DRG2: variants seen among roughly 807,000 people sequenced by gnomAD.
DRG2 encodes the protein developmentally regulated GTP binding protein 2.
Under a neutral mutation model 53.4 loss-of-function variants are expected in DRG2, and 36 were observed. The observed-to-expected ratio is 0.67, with a 90% CI of 0.52 to 0.89. DRG2 has a LOEUF of 0.89. DRG2 is among the 40% of genes least tolerant of loss of function. The probability of loss-of-function intolerance (pLI) is 0.00; values close to 1 mark genes in which losing one functional copy is unlikely to be tolerated. For synonymous variants in DRG2, 167 were observed against 192.1 expected (o/e 0.87, Z 1.08); for missense variants, 342 against 481.2 (o/e 0.71, Z 2.71).
chr17:18,102,734 G>C (rs910672119), intron 9 of DRG2, among the ~76,000 whole-genome samples: 3 of 151,966 alleles, frequency 2.0e-5, no homozygotes, highest in Admixed American at 6.5e-5. Context: ...TGTGGCTTCT[G>C]TCTGATCACA....
rs746278108 is a variant in DRG2 at position 18,089,738 on chromosome 17, G to A, written c.64+1651G>A. ...TGATTGAAAAGAAGGAACCGGTCAC[G>A]CAAACATCTGGGGGAAGAGGGTTCC... On this transcript the variant is annotated intron_variant, in intron 1 of 12. Coordinates refer to ENST00000225729, the MANE Select transcript of DRG2 (RefSeq NM_001388.5). 4.7e-4 allele frequency among the ~76,000 whole-genome samples: 71 copies of A among 152,104 alleles called. 1 individual carries two copies. The highest frequency in any genetic ancestry group is 2.4e-3 in the Admixed American group (36 of 15,266).
chr17:18,091,479 G>A (rs535867566), intron 1 of DRG2, among the ~76,000 whole-genome samples: 3 of 152,220 alleles, frequency 2.0e-5, no homozygotes, highest in Non-Finnish European at 2.9e-5. Context: ...CCAGCTACTC[G>A]GGAGGCGGAG....
chr17:18,101,282 T>C (rs1331513810), intron 7 of DRG2, among the ~76,000 whole-genome samples: 2 of 152,208 alleles, frequency 1.3e-5, no homozygotes, highest in African/African-American at 2.4e-5. Context: ...AGATTAAAAC[T>C]CTGTGTTGAT....
rs144963179 is a variant in DRG2 at position 18,099,659 on chromosome 17, G to A, written c.403G>A (p.Ala135Thr). Residue 135 changes from alanine (A) to threonine (T), a missense_variant, in exon 5 of 13, where the codon GCT becomes ACT. Transcript: ENST00000225729. This position sits in a 1 kb window ranked among gnomAD's most constrained non-coding sequence, Gnocchi z 4.4. ...QGKGRGRQVI[A>T]VARTADVIIM... ...AAAAGGCCGTGGCCGGCAGGTGATC[G>A]CTGTGGCGCGCACGGCTGACGTCAT... 6.8e-6 allele frequency: 11 copies of A among 1,607,140 alleles called. No individual in the cohort carries two copies. In the East Asian group the frequency reaches 1.8e-4, roughly 26 times the overall value.
Position 18,103,827 on chromosome 17 carries a change from A to T in DRG2, c.833A>T (p.Tyr278Phe), listed in dbSNP as rs902526200. Residue 278 changes from tyrosine to phenylalanine, a missense_variant, in exon 10 of 13, where the codon TAT (tyrosine) becomes TTT (phenylalanine). Coordinates refer to ENST00000225729, the MANE Select transcript of DRG2 (RefSeq NM_001388.5). The surrounding 1 kb of genome is among the most constrained non-coding windows in gnomAD (Gnocchi z 4.4). ...ISCGMKLNLD[Y>F]LLEMLWEYLA... is the part of the protein sequence containing the mutation. ...TGCGGCATGAAGCTGAACCTGGACT[A>T]TCTGCTGGAGATGCTTTGGGAGTAC... 1 of 1,614,080 alleles carries T rather than the reference A, an allele frequency of 6.2e-7. No individual in the cohort carries two copies. Among genetic ancestry groups the T allele is most frequent in the East Asian group, 2.2e-5 (1 of 44,866 alleles).
rs1346129259 is a variant in DRG2, at chr17:18,101,551, T to C, written c.690T>C (p.Asp230=). The stretch of plus-strand genomic sequence containing the variant: ...ACTGCTCCCCGGACGAGTTCATCGA[T>C]GTGATCGTGGGCAACCGGGTGTACA... ...REDCSPDEFI[D]VIVGNRVYMP... Residue 230 remains aspartate (D), a synonymous_variant, in exon 8 of 13, where the codon GAT becomes GAC. Transcript: ENST00000225729. The C allele has an allele frequency of 6.2e-7, 1 of 1,614,044 alleles. No individual in the cohort carries two copies. The highest frequency in any genetic ancestry group is 1.3e-5 in the African/African-American group (1 of 74,920).
intron 2 of DRG2, chr17:18,096,232 C>T (rs2045431512): frequency 6.6e-6 from 1 of 152,180 alleles, no homozygotes; most frequent in Non-Finnish European, 1.5e-5. Context: ...TCTCCCCTTG[C>T]CATGCCGCTT....
At chr17:18,090,214 GAC>G (rs2045290962) in intron 1 of DRG2, among the ~76,000 whole-genome samples, 1 of 96,748 alleles carries the variant, frequency 1.0e-5, no homozygotes. Flanking sequence ...TTTTTTTTGA[GAC>G]AGTCTTGCTC....
rs1159375169 is a variant in DRG2, at chr17:18,100,146, G to A, written c.468-217G>A. ...GCTCCACCACTTGCCTGTGCATGCC[G>A]ACCGTAAACCGGGCCAGTCCCCTCT... is the stretch of plus-strand genomic sequence containing the variant. On this transcript the variant is annotated intron_variant, in intron 5 of 12. Transcript: ENST00000225729. This position sits in a 1 kb window ranked among gnomAD's most constrained non-coding sequence, Gnocchi z 4.1. 1.5e-5 allele frequency: 9 copies of A among 607,972 alleles called. No homozygotes were observed. The highest frequency in any genetic ancestry group is 3.7e-5 in the African/African-American group (2 of 54,022). 37.7% of individuals were successfully genotyped at this position (607,972 alleles called of 1,614,324 possible).
At position 18,103,990 on chromosome 17, in the gene DRG2, C is replaced by A; in HGVS notation, c.895+101C>A. On this transcript the variant is annotated intron_variant, in intron 10 of 12. Transcript: ENST00000225729. This position sits in a 1 kb window ranked among gnomAD's most constrained non-coding sequence, Gnocchi z 4.4. ...CCAGAGACCCCAGCACCGGCTCTGG[C>A]CTGGCTTGTCTAGACACACCTCAGC... The A allele has an allele frequency of 1.7e-6, 2 of 1,154,214 alleles. No individual in the cohort carries two copies. Among genetic ancestry groups the A allele is most frequent in the Non-Finnish European group, 2.6e-6 (2 of 776,002 alleles). 71.5% of individuals were successfully genotyped at this position (1,154,214 alleles called of 1,614,324 possible).
rs1056191354 is a variant in DRG2 at position 18,103,504 on chromosome 17, G to A, written c.807-297G>A. Among the ~76,000 whole-genome samples, 14 of 152,114 alleles carry A rather than the reference G, an allele frequency of 9.2e-5. No individual in the cohort carries two copies. Among genetic ancestry groups the A allele is most frequent in the Admixed American group, 5.2e-4 (8 of 15,270 alleles). ...TGCCCATGGTCCCGTCACAGCCCCCGGCCATCTCGCCATGGCAGCCCTTCA... is the reference window on the plus strand; with the variant it reads ...TGCCCATGGTCCCGTCACAGCCCCCAGCCATCTCGCCATGGCAGCCCTTCA... On this transcript the variant is annotated intron_variant, in intron 9 of 12. Coordinates refer to ENST00000225729, the MANE Select transcript of DRG2 (RefSeq NM_001388.5). The surrounding 1 kb of genome is among the most constrained non-coding windows in gnomAD (Gnocchi z 4.4).
At chr17:18,093,551 C>T (rs568259744) in intron 1 of DRG2, among the ~76,000 whole-genome samples, 2 of 152,314 alleles carry the variant, frequency 1.3e-5, no homozygotes, top group South Asian at 4.1e-4. Context: ...CTCCTGACCT[C>T]AGGTGATCCA....
intron 2 of DRG2, among the ~76,000 whole-genome samples, chr17:18,095,126 A>G (rs2045409840): frequency 1.3e-5 from 2 of 151,080 alleles, no homozygotes; most frequent in African/African-American, 2.4e-5. Context: ...GCAGTTATCA[A>G]TCAGCCTCCC....
chr17:18,098,977 G>A lies in DRG2; in HGVS notation c.316-40G>A. 2.5e-6 allele frequency: 4 copies of A among 1,610,508 alleles called. No individual in the cohort carries two copies. Among genetic ancestry groups the A allele is most frequent in the Non-Finnish European group, 3.4e-6 (4 of 1,177,128 alleles). ...TCCAGACAGGACCTTTCCAGTGGAG[G>A]CCCAGCCTTGCCTTACCTTTCTTCT... is the stretch of plus-strand genomic sequence containing the variant. On this transcript the variant is annotated intron_variant, in intron 3 of 12. Coordinates refer to ENST00000225729, the MANE Select transcript of DRG2 (RefSeq NM_001388.5). The surrounding 1 kb of genome is among the most constrained non-coding windows in gnomAD (Gnocchi z 4.1).
In DRG2 at chr17:18,099,831, G is replaced by A. The variant is rs2045498229; in HGVS notation, c.467+108G>A. The A allele has an allele frequency of 1.8e-6, 2 of 1,113,960 alleles. No homozygotes were observed. Among genetic ancestry groups the A allele is most frequent in the African/African-American group, 3.1e-5 (2 of 64,966 alleles). The allele number at this position is 1,113,960 out of a possible 1,614,324, so 69.0% of individuals were successfully genotyped here. ...GTGTTTGGCTCTCTCACACGTGAGA[G>A]TAGTGGTAGGACTTGTCACAGACTA... On this transcript the variant is annotated intron_variant, in intron 5 of 12. Transcript: ENST00000225729. This position sits in a 1 kb window ranked among gnomAD's most constrained non-coding sequence, Gnocchi z 4.4.
rs1436676244 is a variant in DRG2 at position 18,087,978 on chromosome 17, C to T, written c.-46C>T. 2 of 1,540,880 alleles carry T rather than the reference C, an allele frequency of 1.3e-6. No individual in the cohort carries two copies. Among genetic ancestry groups the T allele is most frequent in the Admixed American group, 2.0e-5 (1 of 50,350 alleles). On this transcript the variant is annotated 5_prime_UTR_variant, in exon 1 of 13. Transcript: ENST00000225729. ...GTCGCCGCCGTCAGACCGGAATTGC[C>T]GGTGCCGCCGCCACCGCTGTCTGTG...
chr17:18,100,496 G>T lies in DRG2; in HGVS notation c.540+61G>T, dbSNP rs1055136255. 5.6e-6 allele frequency: 9 copies of T among 1,613,752 alleles called. No individual in the cohort carries two copies. Among genetic ancestry groups the T allele is most frequent in the Non-Finnish European group, 7.6e-6 (9 of 1,179,594 alleles). Reference sequence around the variant, plus strand: ...GGCAGTTTTGAGACTGCATTGGCTGGCGGCTGAGGCTGTGGGACCATTGCT... The same window carrying T: ...GGCAGTTTTGAGACTGCATTGGCTGTCGGCTGAGGCTGTGGGACCATTGCT... On this transcript the variant is annotated intron_variant, in intron 6 of 12. Coordinates refer to ENST00000225729, the MANE Select transcript of DRG2 (RefSeq NM_001388.5). The surrounding 1 kb of genome is among the most constrained non-coding windows in gnomAD (Gnocchi z 4.1).
At chr17:18,089,385 C>T (rs2045273024) in intron 1 of DRG2, among the ~76,000 whole-genome samples, 1 of 152,128 alleles carries the variant, frequency 6.6e-6, no homozygotes, top group Non-Finnish European at 1.5e-5. Context: ...GGTGATCCAC[C>T]CGCCTCGGCC....
chr17:18,096,001 T>C (rs1383042286), intron 2 of DRG2: 1 of 152,232 alleles, frequency 6.6e-6, no homozygotes, highest in Non-Finnish European at 1.5e-5. Context: ...AGGAGTACCA[T>C]TCCCATATTT....
Sources: allele counts gnomAD v4.1 joint callset (sites outside exome capture counted in the v4.1 genomes callset), GRCh38; gene constraint gnomAD v4.1.1; non-coding constraint Gnocchi (gnomAD v3.1); transcripts MANE v1.5; gene names NCBI Gene and HGNC (gene_info 2026-07-23, HGNC 2026-07-21).